The following SLC26A7 variants were observed in gnomAD, a reference collection of about 807,000 sequenced individuals.
SLC26A7 encodes anion exchange transporter.
Under a neutral mutation model 82.5 loss-of-function variants are expected in SLC26A7, and 59 were observed. The ratio of observed to expected loss-of-function variants is 0.72; its 90% confidence interval spans 0.58 to 0.89. SLC26A7 has a LOEUF of 0.89. Ranked by LOEUF, SLC26A7 falls within the 40% of genes least tolerant of loss-of-function variation. The probability of loss-of-function intolerance (pLI) is 0.00; values close to 1 mark genes in which losing one functional copy is unlikely to be tolerated. For missense variants in SLC26A7, 820 were observed against 793.0 expected, an observed-to-expected ratio of 1.03 and a Z score of -0.41; for synonymous variants, 271 against 274.3, an observed-to-expected ratio of 0.99 and a Z score of 0.12.
rs1808477186 is a variant in SLC26A7 at position 91,393,862 on chromosome 8, G to A, written c.1831+11G>A. On this transcript the variant is annotated intron_variant, in intron 17 of 18. Transcript: ENST00000276609. ...TAGCCCATTGTACAGGTAAGAGAAT[G>A]TCCCTGACTAACGTTGAATGTGATT... 6.2e-7 allele frequency: 1 copy of A among 1,613,618 alleles called. No individual in the cohort carries two copies. The highest frequency in any genetic ancestry group is 8.5e-7 in the Non-Finnish European group (1 of 1,179,600).
chr8:91,224,528 A>ATGTCACATCAT (rs1810207727), intron 2 of SLC26A7, among the ~76,000 whole-genome samples: 2 of 152,150 alleles, frequency 1.3e-5, no homozygotes, highest in Non-Finnish European at 2.9e-5. Flanking sequence ...TCACTCAAGG[A>ATGTCACATCAT]GGCTGGACAG....
intron 3 of SLC26A7, among the ~76,000 whole-genome samples, chr8:91,290,374 G>A (rs1811831354): frequency 6.6e-6 from 1 of 152,124 alleles, no homozygotes; most frequent in Admixed American, 6.5e-5. Flanking sequence ...AGTCTGAAAT[G>A]ATATTCACAG....
In SLC26A7 at chr8:91,306,357, C is replaced by T. The variant is rs151338940; in HGVS notation, c.477+10654C>T. 5.9e-5 allele frequency among the ~76,000 whole-genome samples: 9 copies of T among 152,162 alleles called. No individual in the cohort carries two copies. In the East Asian group the frequency reaches 1.7e-3, roughly 29 times the overall value. ...TGCACACATGCCATACTTCTAAAAC[C>T]CAGCTGTTTGGTGCTTTTCTTAGAG... is the stretch of plus-strand genomic sequence containing the variant. On this transcript the variant is annotated intron_variant, in intron 4 of 18. Transcript: ENST00000276609.
chr8:91,328,863 C>T (rs1813002792), intron 5 of SLC26A7, among the ~76,000 whole-genome samples: 1 of 151,912 alleles, frequency 6.6e-6, no homozygotes, highest in Admixed American at 6.6e-5. Flanking sequence ...GGTGATTTAC[C>T]TCAAGATGGA....
intron 11 of SLC26A7, among the ~76,000 whole-genome samples, chr8:91,358,108 C>T (rs899766010): frequency 1.3e-5 from 2 of 152,096 alleles, no homozygotes; most frequent in African/African-American, 2.4e-5. Flanking sequence ...AGTCAGGAAA[C>T]AACAGGTGCT....
chr8:91,389,266 C>T (rs1002094279), intron 15 of SLC26A7, 72 bp from the exon 16 acceptor site: 2 of 1,027,112 alleles, frequency 1.9e-6, no homozygotes, highest in African/African-American at 3.2e-5. Flanking sequence ...GTTACCCTCC[C>T]ACCAGTCAAC....
At chr8:91,377,885 T>G (rs1266897719) in intron 15 of SLC26A7, among the ~76,000 whole-genome samples, 1 of 152,184 alleles carries the variant, frequency 6.6e-6, no homozygotes, top group African/African-American at 2.4e-5. Flanking sequence ...CTTCCCTCAA[T>G]ATTCCATTTA....
At chr8:91,292,039 C>G (rs1811883946) in intron 3 of SLC26A7, among the ~76,000 whole-genome samples, 1 of 152,186 alleles carries the variant, frequency 6.6e-6, no homozygotes, top group African/African-American at 2.4e-5. Context: ...GGTGCGGTGG[C>G]TCACACCTGT....
chr8:91,260,194 A>T (rs951442032), intron 2 of SLC26A7, among the ~76,000 whole-genome samples: 1 of 152,096 alleles, frequency 6.6e-6, no homozygotes, highest in African/African-American at 2.4e-5. Context: ...GAAAACTTAT[A>T]GTCATGGCAG....
Position 91,362,469 on chromosome 8 carries a change from T to A in SLC26A7, c.1421+10T>A. ...TAGGACGCTTCCCAAGGTAGGATCC[T>A]ATGTAAATGCTCTGTTTATTTTTGC... On this transcript the variant is annotated intron_variant, in intron 12 of 18. Coordinates refer to ENST00000276609, the MANE Select transcript of SLC26A7 (RefSeq NM_052832.4). 7 of 1,603,736 alleles carry A rather than the reference T, an allele frequency of 4.4e-6. No individual in the cohort carries two copies. The highest frequency in any genetic ancestry group is 1.1e-5 in the South Asian group (1 of 90,526).
intron 2 of SLC26A7, among the ~76,000 whole-genome samples, chr8:91,225,550 T>C (rs1033712771): frequency 4.7e-5 from 7 of 150,306 alleles, no homozygotes; most frequent in African/African-American, 1.7e-4. Context: ...AGGATTCACA[T>C]GCTTATTATG....
At position 91,289,168 on chromosome 8, in the gene SLC26A7, C is replaced by G. The variant is rs1294164086; in HGVS notation, c.226C>G (p.Pro76Ala). The change falls in exon 3 of 19, where the codon CCA becomes GCA. Residue 76 changes from proline (P) to alanine (A), a missense_variant. Transcript: ENST00000276609. ...LAFAVLSSVHPVFGLYGSLFP... is the reference protein window; with the variant it reads ...LAFAVLSSVHAVFGLYGSLFP... ...CTTTGCTGTTCTCTCATCTGTGCAC[C>G]CAGTGTTTGGTTTATATGGGTCTCT... The G allele has an allele frequency of 6.2e-7, 1 of 1,613,890 alleles. No homozygotes were observed.
chr8:91,358,432 C>T (rs1228179235), intron 11 of SLC26A7, among the ~76,000 whole-genome samples: 2 of 151,014 alleles, frequency 1.3e-5, no homozygotes, highest in African/African-American at 4.9e-5. Context: ...TGGGTTCATG[C>T]CATTCTCCTG....
intron 2 of SLC26A7, among the ~76,000 whole-genome samples, chr8:91,236,634 G>A (rs1810396948): frequency 6.6e-6 from 1 of 151,496 alleles, no homozygotes; most frequent in South Asian, 2.1e-4. Context: ...ATGGCCACTA[G>A]ATGACACTGT....
In SLC26A7 at chr8:91,321,749, G is replaced by A. The variant is rs145674468; in HGVS notation, c.642+3369G>A. 1.5e-3 allele frequency among the ~76,000 whole-genome samples: 228 copies of A among 151,928 alleles called. 2 individuals carry two copies. Among genetic ancestry groups the A allele is most frequent in the African/African-American group, 5.5e-3 (226 of 41,414 alleles). On this transcript the variant is annotated intron_variant, in intron 5 of 18. Transcript: ENST00000276609. ...AAACTATCTTTCTTTTAGTATTATG[G>A]CTAGTTCTTTGTAAACTTTAAAGAT...
At chr8:91,242,281 A>T (rs987048023) in intron 2 of SLC26A7, among the ~76,000 whole-genome samples, 2 of 152,168 alleles carry the variant, frequency 1.3e-5, no homozygotes, top group African/African-American at 4.8e-5. Flanking sequence ...AGCTCTCCAT[A>T]TCTTTTTGGA....
At chr8:91,300,111 C>T (rs1353592875) in intron 4 of SLC26A7, among the ~76,000 whole-genome samples, 5 of 152,110 alleles carry the variant, frequency 3.3e-5, no homozygotes, top group Admixed American at 6.6e-5. Flanking sequence ...TTGTCCTGTC[C>T]AAGAACAGAG....
chr8:91,389,014 C>T (rs758043456), intron 15 of SLC26A7, among the ~76,000 whole-genome samples: 13 of 152,162 alleles, frequency 8.5e-5, no homozygotes, highest in Non-Finnish European at 1.8e-4. Context: ...CTGTGTTTAG[C>T]ACTAACTTGC....
chr8:91,234,165 C>T (rs1398901245), intron 2 of SLC26A7, among the ~76,000 whole-genome samples: 3 of 151,630 alleles, frequency 2.0e-5, no homozygotes, highest in Admixed American at 6.6e-5. Context: ...TTTTTCATGC[C>T]CTTTGATGGA....
Sources: gnomAD v4.1 joint callset for allele counts (sites outside exome capture counted in the v4.1 genomes callset) on GRCh38, gnomAD v4.1.1 for gene constraint, MANE v1.5 for transcripts, NCBI Gene and HGNC (gene_info 2026-07-23, HGNC 2026-07-21) for gene names.